The following CNTNAP2 variants were observed in gnomAD, a reference collection of about 807,000 sequenced individuals.
CNTNAP2 encodes contactin associated protein 2.
A neutral mutation model predicts 155.2 loss-of-function variants in CNTNAP2; 98 were observed. That is an observed-to-expected ratio of 0.63 (90% confidence interval 0.54 to 0.75). CNTNAP2 has a LOEUF of 0.75. Ranked by LOEUF, CNTNAP2 falls within the 30% of genes least tolerant of loss-of-function variation. CNTNAP2 has a pLI of 0.00. For missense variants in CNTNAP2, 1,727 were observed against 1,688.1 expected, an observed-to-expected ratio of 1.02 and a Z score of -0.40; for synonymous variants, 651 against 631.2, an observed-to-expected ratio of 1.03 and a Z score of -0.47.
chr7:147,970,739 CAG>C lies in CNTNAP2; in HGVS notation c.2256-7121_2256-7120del, dbSNP rs375424151. ...ACAATGATGAATGTTGACAGTCAAA[CAG>C]AATTTTATTGTTAAGCTTGTCCTGG... On this transcript the variant is annotated intron_variant, in intron 14 of 23. Coordinates refer to ENST00000361727, the MANE Select transcript of CNTNAP2 (RefSeq NM_014141.6). 4.8e-3 allele frequency among the ~76,000 whole-genome samples: 728 copies of C among 152,260 alleles called. 8 individuals are homozygous for C. The highest frequency in any genetic ancestry group is 0.017 in the African/African-American group (711 of 41,546).
At chr7:146,826,113 T>C (rs1481473535) in intron 2 of CNTNAP2, among the ~76,000 whole-genome samples, 1 of 152,128 alleles carries the variant, frequency 6.6e-6, no homozygotes, top group Non-Finnish European at 1.5e-5. Flanking sequence ...CTGAGGCAGA[T>C]GGCATGGAGA....
At chr7:146,152,330 A>C (rs1434353603) in intron 1 of CNTNAP2, among the ~76,000 whole-genome samples, 1 of 152,068 alleles carries the variant, frequency 6.6e-6, no homozygotes, top group East Asian at 1.9e-4. Context: ...TCATAGAAGT[A>C]ATGAGCAAAA....
chr7:146,349,919 A>C (rs1794886425), intron 1 of CNTNAP2, among the ~76,000 whole-genome samples: 1 of 151,088 alleles, frequency 6.6e-6, no homozygotes, highest in Admixed American at 6.6e-5. Flanking sequence ...CTTCATTTCA[A>C]CTTTGGTGAA....
At chr7:146,184,472 G>C (rs1469543950) in intron 1 of CNTNAP2, among the ~76,000 whole-genome samples, 2 of 152,126 alleles carry the variant, frequency 1.3e-5, no homozygotes, top group Non-Finnish European at 2.9e-5. Context: ...CTAATATGGA[G>C]AATTACAGTA....
intron 11 of CNTNAP2, among the ~76,000 whole-genome samples, chr7:147,517,898 A>G (rs1010863607): frequency 1.3e-5 from 2 of 152,198 alleles, no homozygotes; most frequent in African/African-American, 4.8e-5. Flanking sequence ...CCATTGCGTC[A>G]CCATCTAGAA....
intron 1 of CNTNAP2, among the ~76,000 whole-genome samples, chr7:146,721,050 A>ATACTCTATATATATTATATATG (rs1801289042): frequency 8.1e-6 from 1 of 123,512 alleles, no homozygotes; most frequent in Admixed American, 8.1e-5. Context: ...TTCTATATAT[A>ATACTCTATATATATTATATATG]TACTCTATAT....
intron 8 of CNTNAP2, among the ~76,000 whole-genome samples, chr7:147,217,894 T>C (rs1332153721): frequency 2.6e-5 from 4 of 151,998 alleles, no homozygotes; most frequent in East Asian, 1.9e-4. Context: ...TTTCAAGGAA[T>C]TGGTTAATTT....
At chr7:147,431,520 G>C (rs1430742007) in intron 10 of CNTNAP2, among the ~76,000 whole-genome samples, 1 of 152,068 alleles carries the variant, frequency 6.6e-6, no homozygotes, top group South Asian at 2.1e-4. Context: ...TTACAATAAA[G>C]ACTTGTACAA....
At chr7:146,776,283 A>C (rs933021826) in intron 2 of CNTNAP2, among the ~76,000 whole-genome samples, 20 of 152,232 alleles carry the variant, frequency 1.3e-4, no homozygotes, top group Admixed American at 6.5e-4. Flanking sequence ...GAATGGAAGC[A>C]GAGTCAGAAA....
At chr7:148,038,900 A>G (rs1802620142) in intron 15 of CNTNAP2, among the ~76,000 whole-genome samples, 1 of 152,262 alleles carries the variant, frequency 6.6e-6, no homozygotes, top group Admixed American at 6.5e-5. Context: ...TATTAGGGGA[A>G]TTGGCTCATA....
intron 1 of CNTNAP2, among the ~76,000 whole-genome samples, chr7:146,766,238 A>C (rs1285654283): frequency 6.6e-6 from 1 of 152,172 alleles, no homozygotes; most frequent in Non-Finnish European, 1.5e-5. Context: ...GAGGCTATTC[A>C]ATGTAGGCAT....
At chr7:146,397,431 TA>T (rs1795646464) in intron 1 of CNTNAP2, among the ~76,000 whole-genome samples, 1 of 152,190 alleles carries the variant, frequency 6.6e-6, no homozygotes, top group South Asian at 2.1e-4. Context: ...TTCAAAGGGT[TA>T]TTTGTTATTT....
intron 8 of CNTNAP2, among the ~76,000 whole-genome samples, chr7:147,228,195 A>G (rs1803591865): frequency 6.6e-6 from 1 of 152,222 alleles, no homozygotes; most frequent in South Asian, 2.1e-4. Flanking sequence ...GTAAAAAGCT[A>G]TTGAAACCAG....
At chr7:146,965,114 A>G (rs1797630937) in intron 3 of CNTNAP2, among the ~76,000 whole-genome samples, 1 of 152,222 alleles carries the variant, frequency 6.6e-6, no homozygotes, top group Non-Finnish European at 1.5e-5. Flanking sequence ...GAGTCATGTA[A>G]GAACGGCAGG....
intron 1 of CNTNAP2, among the ~76,000 whole-genome samples, chr7:146,514,672 T>C (rs1797515300): frequency 6.6e-6 from 1 of 152,064 alleles, no homozygotes; most frequent in Non-Finnish European, 1.5e-5. Context: ...GTTTTTTTTT[T>C]CTTCCAGTAA....
rs139918747 is a variant in CNTNAP2 at position 147,134,506 on chromosome 7, A to AAT, written c.1348+2009_1348+2010dup. Among the ~76,000 whole-genome samples the AAT allele has an allele frequency of 3.0e-3, 451 of 151,362 alleles. 3 individuals carry two copies. The highest frequency in any genetic ancestry group is 8.1e-3 in the African/African-American group (335 of 41,366). On this transcript the variant is annotated intron_variant, in intron 8 of 23. Transcript: ENST00000361727. ...CTTACTGCTTCAAGCATTTTATATAAATATATATATATACAGACATACATA... is the reference window on the plus strand; with the variant it reads ...CTTACTGCTTCAAGCATTTTATATAAATATATATATATATACAGACATACATA...
At chr7:147,193,110 A>T (rs903947210) in intron 8 of CNTNAP2, among the ~76,000 whole-genome samples, 4 of 152,228 alleles carry the variant, frequency 2.6e-5, no homozygotes, top group African/African-American at 9.6e-5. Context: ...TAATATTAGT[A>T]GTTAATTACT....
intron 8 of CNTNAP2, among the ~76,000 whole-genome samples, chr7:147,179,435 G>C (rs1273030977): frequency 6.6e-6 from 1 of 152,136 alleles, no homozygotes. Flanking sequence ...GAAAACTCCA[G>C]ACAAAGAGGA....
chr7:146,614,001 C>A (rs1200135945), intron 1 of CNTNAP2, among the ~76,000 whole-genome samples: 2 of 152,044 alleles, frequency 1.3e-5, no homozygotes, highest in South Asian at 2.1e-4. Flanking sequence ...ACTAAGTAGA[C>A]CCTTTATCAT....
Sources: allele counts gnomAD v4.1 joint callset (sites outside exome capture counted in the v4.1 genomes callset), GRCh38; gene constraint gnomAD v4.1.1; transcripts MANE v1.5; gene names NCBI Gene and HGNC (gene_info 2026-07-23, HGNC 2026-07-21).